The following CD44 variants were observed in gnomAD, a reference collection of about 807,000 sequenced individuals.
CD44 encodes the protein CD44 molecule (IN blood group).
In CD44, 49 loss-of-function variants were observed where a neutral mutation model predicts 88.8. The ratio of observed to expected loss-of-function variants is 0.55; its 90% CI spans 0.44 to 0.70. The LOEUF (loss-of-function observed/expected upper bound fraction) is 0.70, where lower values mean the gene tolerates loss of function less well. Among genes scored for constraint, CD44 ranks in the 30% least tolerant of loss-of-function variants. The pLI, the probability that CD44 is intolerant of heterozygous loss-of-function variation, is 0.00. For synonymous variants in CD44, 325 were observed against 312.3 expected (o/e 1.04, Z -0.43); for missense variants, 883 against 913.8 (o/e 0.97, Z 0.43).
At chr11:35,222,730 C>T in intron 17 of CD44, 1 of 964,606 alleles carries the variant, frequency 1.0e-6, no homozygotes, top group Non-Finnish European at 1.2e-6. Flanking sequence ...ACCCAAGACA[C>T]TTTAAAGATA....
Position 35,214,930 on chromosome 11 carries a change from C to A in CD44, c.1873+16C>A. Reference sequence around the variant, plus strand: ...GAATCAGATGGTGAGTTCAAAACTGCTTTAGTCATTTACTGTTATAATCAT... The same window carrying A: ...GAATCAGATGGTGAGTTCAAAACTGATTTAGTCATTTACTGTTATAATCAT... On this transcript the variant is annotated intron_variant, in intron 15 of 17. Transcript: ENST00000428726. The A allele has an allele frequency of 6.6e-7, 1 of 1,507,432 alleles. No individual in the cohort carries two copies. Among genetic ancestry groups the A allele is most frequent in the South Asian group, 1.3e-5 (1 of 76,176 alleles). 93.4% of individuals were successfully genotyped at this position (1,507,432 alleles called of 1,614,324 possible). A position where few individuals can be genotyped will look rare whatever the true frequency, so the allele number is the denominator to read the frequency against.
chr11:35,195,819 T>G (rs1946686785), intron 5 of CD44, among the ~76,000 whole-genome samples: 1 of 152,082 alleles, frequency 6.6e-6, no homozygotes, highest in Non-Finnish European at 1.5e-5. Context: ...GATTATCCTA[T>G]TTTCAAAGAA....
Position 35,164,265 on chromosome 11 carries a change from T to TAA in CD44, c.68-12310_68-12309insAA, listed in dbSNP as rs1250161889. ...TCAGAAACCAAGTGTTATCCTGGGG[T>TAA]TTGACTCCTGGCTCTTGCCACATTC... On this transcript the variant is annotated intron_variant, in intron 1 of 17. Coordinates refer to ENST00000428726, the MANE Select transcript of CD44 (RefSeq NM_000610.4). Among the ~76,000 whole-genome samples, 1,312 of 152,086 alleles carry TAA rather than the reference T, an allele frequency of 8.6e-3. 16 individuals are homozygous for TAA. The highest frequency in any genetic ancestry group is 0.03 in the African/African-American group (1,245 of 41,464).
chr11:35,150,554 G>C (rs981314126), intron 1 of CD44, among the ~76,000 whole-genome samples: 3 of 152,216 alleles, frequency 2.0e-5, no homozygotes, highest in African/African-American at 7.2e-5. Flanking sequence ...TTGGCATTCT[G>C]TCAGTCACTG....
Position 35,201,791 on chromosome 11 carries a change from A to G in CD44, c.1153+4A>G. ...ACCCCACATTCTACAAGCACAAGTA[A>G]GCAAGATGGCGGTCGGCAGTTCTGG... On this transcript the variant is annotated splice_donor_region_variant and intron_variant, in intron 9 of 17. Transcript: ENST00000428726. 6.2e-7 allele frequency: 1 copy of G among 1,613,498 alleles called. No homozygotes were observed. Among genetic ancestry groups the G allele is most frequent in the Non-Finnish European group, 8.5e-7 (1 of 1,179,536 alleles).
chr11:35,153,098 C>T (rs1170531886), intron 1 of CD44, among the ~76,000 whole-genome samples: 1 of 152,152 alleles, frequency 6.6e-6, no homozygotes, highest in African/African-American at 2.4e-5. Context: ...ATAAGGAAGC[C>T]TCAAGGGCTG....
intron 1 of CD44, among the ~76,000 whole-genome samples, chr11:35,155,433 C>T (rs1941729582): frequency 6.6e-6 from 1 of 152,104 alleles, no homozygotes; most frequent in Admixed American, 6.5e-5. Flanking sequence ...GTTTTTGTGC[C>T]TCTGTGCCAC....
chr11:35,232,187 T>C lies in CD44; in HGVS notation c.*2854T>C, dbSNP rs1161575158. ...ATGTCTTTGTGTAAATCATTTGTTT[T>C]GAGTTTTCAAAGAATAGCCCATTGT... On this transcript the variant is annotated 3_prime_UTR_variant, in exon 18 of 18. Coordinates refer to ENST00000428726, the MANE Select transcript of CD44 (RefSeq NM_000610.4). The C allele has an allele frequency of 6.6e-6, 1 of 152,654 alleles. No individual in the cohort carries two copies. Among genetic ancestry groups the C allele is most frequent in the Non-Finnish European group, 1.5e-5 (1 of 68,038 alleles). 9.5% of individuals were successfully genotyped at this position (152,654 alleles called of 1,614,324 possible).
intron 1 of CD44, among the ~76,000 whole-genome samples, chr11:35,176,039 ATTTTTTTTTTT>A (rs201610565): frequency 2.0e-5 from 2 of 102,212 alleles, no homozygotes; most frequent in East Asian, 3.2e-4. Flanking sequence ...TAATTTTTGT[ATTTTTTTTTTT>A]TTTTTTTTTT....
At chr11:35,160,131 A>T (rs1489535153) in intron 1 of CD44, among the ~76,000 whole-genome samples, 1 of 152,196 alleles carries the variant, frequency 6.6e-6, no homozygotes, top group Admixed American at 6.5e-5. Flanking sequence ...GTTGGGGGCC[A>T]CTCAGCAGCT....
chr11:35,211,296 T>C lies in CD44; in HGVS notation c.1657T>C (p.Ser553Pro), dbSNP rs758743833. 10 of 1,613,984 alleles carry C rather than the reference T, an allele frequency of 6.2e-6. No individual in the cohort carries two copies. In the Admixed American group the frequency reaches 1.5e-4, roughly 24 times the overall value. The change falls in exon 14 of 18, where the codon TCA becomes CCA. Residue 553 changes from serine (S) to proline (P), a missense_variant. Coordinates refer to ENST00000428726, the MANE Select transcript of CD44 (RefSeq NM_000610.4). ...AAGAGACCCAAATCATTCTGAAGGC[T>C]CAACTACTTTACTGGAAGGTTATAC... ...GRRDPNHSEG[S>P]TTLLEGYTSH... is the part of the protein sequence containing the mutation.
intron 12 of CD44, 138 bp from the exon 13 acceptor site, chr11:35,209,827 G>A: frequency 1.6e-6 from 1 of 607,452 alleles, no homozygotes; most frequent in Admixed American, 3.5e-5. Flanking sequence ...AATCAGAGGA[G>A]AATTGTGTGC....
chr11:35,216,251 G>A (rs1181425815), intron 15 of CD44, among the ~76,000 whole-genome samples: 1 of 152,052 alleles, frequency 6.6e-6, no homozygotes, highest in Non-Finnish European at 1.5e-5. Flanking sequence ...CTGACATGAG[G>A]TAGGTTTACT....
intron 1 of CD44, among the ~76,000 whole-genome samples, chr11:35,163,720 C>T (rs1386313987): frequency 6.6e-6 from 1 of 152,100 alleles, no homozygotes; most frequent in Non-Finnish European, 1.5e-5. Flanking sequence ...GTAATCAGCT[C>T]CCTCCCCCCA....
chr11:35,189,889 A>C lies in CD44; in HGVS notation c.491A>C (p.Asn164Thr). ...RYVQKGEYRT[N>T]PEDIYPSNPT... The stretch of plus-strand genomic sequence containing the variant: ...GTCCAGAAAGGAGAATACAGAACGA[A>C]TCCTGAAGACATCTACCCCAGCAAC... Residue 164 changes from asparagine to threonine, a missense_variant, in exon 5 of 18, where the codon AAT becomes ACT. Physicochemically the swap from Asn to Thr is moderately conservative, Grantham distance 65. Transcript: ENST00000428726. 6.2e-7 allele frequency: 1 copy of C among 1,614,170 alleles called. No homozygotes were observed. The highest frequency in any genetic ancestry group is 1.1e-5 in the South Asian group (1 of 91,074).
intron 5 of CD44, among the ~76,000 whole-genome samples, chr11:35,191,276 A>C (rs1946247647): frequency 6.6e-6 from 1 of 152,216 alleles, no homozygotes; most frequent in African/African-American, 2.4e-5. Flanking sequence ...TCACTTGCGC[A>C]ATAGTGTTTT....
chr11:35,228,348 A>G (rs1461451712), intron 17 of CD44, among the ~76,000 whole-genome samples: 1 of 152,252 alleles, frequency 6.6e-6, no homozygotes, highest in East Asian at 1.9e-4. Context: ...AAACATCACT[A>G]TGGCCTTATA....
intron 1 of CD44, among the ~76,000 whole-genome samples, chr11:35,161,573 T>C (rs766460666): frequency 2.7e-4 from 41 of 152,214 alleles, no homozygotes; most frequent in Non-Finnish European, 5.1e-4. Context: ...GGCAGCGCTG[T>C]AAGTCTCTGA....
intron 2 of CD44, among the ~76,000 whole-genome samples, chr11:35,179,530 G>C (rs1327592055): frequency 1.3e-5 from 2 of 152,100 alleles, no homozygotes; most frequent in Non-Finnish European, 2.9e-5. Flanking sequence ...GGGGAGAGAG[G>C]GGCTATGCAT....
Sources: allele counts gnomAD v4.1 joint callset (sites outside exome capture counted in the v4.1 genomes callset), GRCh38; gene constraint gnomAD v4.1.1; transcripts MANE v1.5; gene names NCBI Gene and HGNC (gene_info 2026-07-23, HGNC 2026-07-21).